RREB1: variants seen among roughly 807,000 people sequenced by gnomAD.
RREB1 encodes the protein ras responsive element binding protein 1.
Under a neutral mutation model 117.8 loss-of-function variants are expected in RREB1, and 27 were observed. The observed-to-expected ratio is 0.23, with a 90% CI of 0.17 to 0.32. The LOEUF (loss-of-function observed/expected upper bound fraction) is 0.32, where lower values mean the gene tolerates loss of function less well. Among genes scored for constraint, RREB1 ranks in the 10% least tolerant of loss-of-function variants. RREB1 has a pLI of 1.00. For synonymous variants in RREB1, 1,298 were observed against 1,026.7 expected (o/e 1.26, Z -5.05); for missense variants, 2,577 against 2,378.2 (o/e 1.08, Z -1.74).
intron 1 of RREB1, among the ~76,000 whole-genome samples, chr6:7,162,343 G>GT (rs1763713707): frequency 6.6e-6 from 1 of 152,056 alleles, no homozygotes; most frequent in Non-Finnish European, 1.5e-5. Flanking sequence ...TGCACACTGT[G>GT]TTAACAGCTT....
At chr6:7,228,285 T>C (rs778874223) in intron 9 of RREB1, among the ~76,000 whole-genome samples, 3 of 151,994 alleles carry the variant, frequency 2.0e-5, no homozygotes, top group Non-Finnish European at 4.4e-5. Context: ...TAGCTGATTC[T>C]CCAACATCTC....
At chr6:7,196,237 T>G (rs533314706) in intron 6 of RREB1, among the ~76,000 whole-genome samples, 35 of 149,398 alleles carry the variant, frequency 2.3e-4, no homozygotes, top group South Asian at 4.2e-4. Context: ...TTTTGTTTTT[T>G]TTTTTTTTTG....
Position 7,210,957 on chromosome 6 carries a change from G to A in RREB1, c.570+9G>A, listed in dbSNP as rs1258897816. ...CAGCACCAGCTAAAAAGGTCCTCTT[G>A]GCTCCCAGTGCAGATTCACCTGCTC... On this transcript the variant is annotated intron_variant, in intron 7 of 12. Coordinates refer to ENST00000379938, the MANE Select transcript of RREB1 (RefSeq NM_001003699.4). 1.2e-5 allele frequency: 19 copies of A among 1,612,462 alleles called. No individual in the cohort carries two copies. Among genetic ancestry groups the A allele is most frequent in the Non-Finnish European group, 1.6e-5 (19 of 1,179,220 alleles).
chr6:7,239,133 G>T (rs1348471085), intron 10 of RREB1, among the ~76,000 whole-genome samples: 4 of 152,228 alleles, frequency 2.6e-5, no homozygotes, highest in Admixed American at 6.5e-5. Flanking sequence ...ACTAGTTCAG[G>T]CTTCTATCGA....
In RREB1 at chr6:7,202,378, C is replaced by T. The variant is rs1383588127; in HGVS notation, c.426-8426C>T. Among the ~76,000 whole-genome samples the T allele has an allele frequency of 2.6e-5, 4 of 152,218 alleles. No individual in the cohort carries two copies. In the East Asian group the frequency reaches 7.7e-4, roughly 29 times the overall value. On this transcript the variant is annotated intron_variant, in intron 6 of 12. Coordinates refer to ENST00000379938, the MANE Select transcript of RREB1 (RefSeq NM_001003699.4). ...CTAGGTCCTGCCTTCTTGAAGACAC[C>T]TCAAGTGATCGCCTTTCAAGCTGAA... is the stretch of plus-strand genomic sequence containing the variant.
At chr6:7,194,925 A>G (rs971624487) in intron 6 of RREB1, among the ~76,000 whole-genome samples, 1 of 152,208 alleles carries the variant, frequency 6.6e-6, no homozygotes, top group Non-Finnish European at 1.5e-5. Flanking sequence ...TCTGTGTCCT[A>G]ATTACTTCAT....
intron 1 of RREB1, among the ~76,000 whole-genome samples, chr6:7,123,105 C>T (rs1458214138): frequency 6.6e-6 from 1 of 151,926 alleles, no homozygotes; most frequent in African/African-American, 2.4e-5. Context: ...TTACATACGG[C>T]TGTTTTCTGG....
chr6:7,233,758 T>A (rs1309207663), intron 10 of RREB1, among the ~76,000 whole-genome samples: 1 of 152,082 alleles, frequency 6.6e-6, no homozygotes, highest in African/African-American at 2.4e-5. Flanking sequence ...CAGGTGGAAA[T>A]GCATTCACAA....
At chr6:7,211,849 ATCGG>A (rs893849123) in intron 8 of RREB1, 140 bp downstream of exon 8, 26 of 929,330 alleles carry the variant, frequency 2.8e-5, no homozygotes, top group Non-Finnish European at 4.1e-5. Context: ...TTAAGAAAGT[ATCGG>A]TGTGGGGAAA....
intron 8 of RREB1, among the ~76,000 whole-genome samples, chr6:7,226,099 G>C (rs891344041): frequency 6.6e-6 from 1 of 152,174 alleles, no homozygotes. Flanking sequence ...TGAACTCAGG[G>C]AGAGAGAAAC....
rs905900836 is a variant in RREB1 at position 7,246,773 on chromosome 6, G to A, written c.4323G>A (p.Ala1441=). 7.7e-6 allele frequency: 12 copies of A among 1,551,490 alleles called. No individual in the cohort carries two copies. The highest frequency in any genetic ancestry group is 1.7e-4 in the Middle Eastern group (1 of 5,800). ...EGDGEAGAGG[A]ASQEQKLACD... The stretch of plus-strand genomic sequence containing the variant: ...ACGGCGAGGCAGGCGCCGGGGGCGC[G>A]GCCTCGCAGGAGCAGAAGCTCGCCT... The change falls in exon 12 of 13, where the codon GCG becomes GCA. Residue 1441 remains alanine (A), a synonymous_variant. Coordinates refer to ENST00000379938, the MANE Select transcript of RREB1 (RefSeq NM_001003699.4).
chr6:7,189,447 T>C, intron 6 of RREB1, 125 bp downstream of exon 6: 1 of 938,140 alleles, frequency 1.1e-6, no homozygotes, highest in Non-Finnish European at 1.5e-6. Context: ...CTCTGTCCAT[T>C]GTATGGAAAA....
At chr6:7,125,585 G>A (rs1190610540) in intron 1 of RREB1, among the ~76,000 whole-genome samples, 3 of 152,178 alleles carry the variant, frequency 2.0e-5, no homozygotes, top group Non-Finnish European at 4.4e-5. Flanking sequence ...TGGGAATTTA[G>A]TTTTGCATTG....
chr6:7,132,378 C>T (rs1177850573), intron 1 of RREB1, among the ~76,000 whole-genome samples: 1 of 152,050 alleles, frequency 6.6e-6, no homozygotes, highest in African/African-American at 2.4e-5. Context: ...ACTGTGTTGC[C>T]CAGTCTGGTC....
chr6:7,111,737 G>A (rs879783226), intron 1 of RREB1, among the ~76,000 whole-genome samples: 10 of 152,148 alleles, frequency 6.6e-5, no homozygotes, highest in Admixed American at 6.6e-4. Flanking sequence ...AGTACTCTAT[G>A]ACCAGCCTTG....
chr6:7,223,721 G>A (rs1037937998), intron 8 of RREB1, among the ~76,000 whole-genome samples: 3 of 151,948 alleles, frequency 2.0e-5, no homozygotes, highest in East Asian at 1.9e-4. Context: ...TACTACCTAC[G>A]TACACACATA....
At chr6:7,109,186 C>T (rs1394766501) in intron 1 of RREB1, among the ~76,000 whole-genome samples, 2 of 151,916 alleles carry the variant, frequency 1.3e-5, no homozygotes, top group Non-Finnish European at 2.9e-5. Flanking sequence ...AGTTCTGGGG[C>T]TTCCCTTCCT....
chr6:7,241,273 T>C (rs1285882527), intron 11 of RREB1, among the ~76,000 whole-genome samples: 1 of 152,126 alleles, frequency 6.6e-6, no homozygotes, highest in African/African-American at 2.4e-5. Flanking sequence ...GTTTCCCTTA[T>C]AGTTTCTGAA....
chr6:7,134,109 A>G (rs542008291), intron 1 of RREB1, among the ~76,000 whole-genome samples: 4 of 152,336 alleles, frequency 2.6e-5, no homozygotes, highest in East Asian at 1.9e-4. Context: ...GAAGGAACCT[A>G]TCTTCTAGGT....
Sources: allele counts gnomAD v4.1 joint callset (sites outside exome capture counted in the v4.1 genomes callset), GRCh38; gene constraint gnomAD v4.1.1; transcripts MANE v1.5; gene names NCBI Gene and HGNC (gene_info 2026-07-23, HGNC 2026-07-21).